The following TIAM1 variants were observed in gnomAD, a reference collection of about 807,000 sequenced individuals.
TIAM1 encodes rho guanine nucleotide exchange factor TIAM1.
TIAM1 carries 65 observed loss-of-function variants against 163.5 expected under a neutral mutation model. The observed-to-expected ratio is 0.40, with a 90% confidence interval of 0.33 to 0.49. TIAM1 has a LOEUF of 0.49. TIAM1 is among the 20% of genes least tolerant of loss of function. The pLI is 0.77. For missense variants in TIAM1, 1,789 were observed against 2,044.7 expected, an observed-to-expected ratio of 0.87 and a Z score of 2.41; for synonymous variants, 833 against 810.1, an observed-to-expected ratio of 1.03 and a Z score of -0.48.
intron 4 of TIAM1, among the ~76,000 whole-genome samples, chr21:31,259,239 C>CA (rs5843501): frequency 1 from 151,894 of 151,894 alleles, 75,947 homozygotes; most frequent in Non-Finnish European, 1. Context: ...CAGGCTGAAG[C>CA]ATCCTCTCAC....
intron 2 of TIAM1, among the ~76,000 whole-genome samples, chr21:31,326,918 ACACGC>A (rs1341225913): frequency 1.3e-5 from 2 of 152,364 alleles, no homozygotes; most frequent in East Asian, 3.9e-4. Flanking sequence ...CAAGTTTACC[ACACGC>A]CACTTAAAAC....
chr21:31,366,046 C>T (rs1412002350), intron 2 of TIAM1, among the ~76,000 whole-genome samples: 1 of 140,704 alleles, frequency 7.1e-6, no homozygotes, highest in African/African-American at 2.7e-5. Context: ...GAGGTAGCTC[C>T]ACTGCACTCC....
chr21:31,395,971 T>G lies in TIAM1; in HGVS notation c.-368-56549A>C, dbSNP rs1292673884. 2.6e-5 allele frequency among the ~76,000 whole-genome samples: 4 copies of G among 152,150 alleles called. No individual in the cohort carries two copies. The highest frequency in any genetic ancestry group is 5.9e-5 in the Non-Finnish European group (4 of 68,032). On this transcript the variant is annotated intron_variant, in intron 2 of 28. Coordinates refer to the TIAM1 transcript ENST00000286827. This position sits in a 1 kb window ranked among gnomAD's most constrained non-coding sequence, Gnocchi z 7.5. The stretch of plus-strand genomic sequence containing the variant: ...TTTAAAATTCAACAGGAACATGGCT[T>G]TTTTCCTCCGTAATGGCTGTGAAAT...
chr21:31,265,987 GA>G lies in TIAM1; in HGVS notation c.963+22del, dbSNP rs781607371. 8.1e-6 allele frequency: 13 copies of G among 1,605,670 alleles called. No homozygotes were observed. In the Admixed American group the frequency reaches 2.2e-4, roughly 27 times the overall value. Reference sequence around the variant, plus strand: ...AGTCATGCACCATTCCCAAAATATTGAAACAAATTTCAATCACTTTACCTGA... The same window carrying G: ...AGTCATGCACCATTCCCAAAATATTGAACAAATTTCAATCACTTTACCTGA... On this transcript the variant is annotated intron_variant, in intron 4 of 27. Coordinates refer to ENST00000541036, the MANE Select transcript of TIAM1 (RefSeq NM_001353694.2).
intron 2 of TIAM1, among the ~76,000 whole-genome samples, chr21:31,384,627 G>A (rs1001000823): frequency 6.6e-6 from 1 of 151,948 alleles, no homozygotes; most frequent in African/African-American, 2.4e-5. Context: ...ATTCTGTATC[G>A]TCTCTTGTAC....
chr21:31,504,193 CAT>C (rs1364201754), intron 1 of TIAM1, among the ~76,000 whole-genome samples: 1 of 152,178 alleles, frequency 6.6e-6, no homozygotes, highest in Non-Finnish European at 1.5e-5. Context: ...TGCTTGCTGG[CAT>C]ATGTGTTACA....
chr21:31,437,420 T>C (rs138670660), intron 2 of TIAM1, among the ~76,000 whole-genome samples: 8 of 150,062 alleles, frequency 5.3e-5, no homozygotes, highest in Admixed American at 3.3e-4. Context: ...GGAGGATCAA[T>C]TGACCCTGGG....
intron 6 of TIAM1, among the ~76,000 whole-genome samples, chr21:31,230,689 C>A (rs1012316136): frequency 5.9e-5 from 9 of 152,142 alleles, no homozygotes; most frequent in African/African-American, 7.2e-5. Flanking sequence ...GGGAGCCACA[C>A]ACCCAGCTAG....
intron 1 of TIAM1, among the ~76,000 whole-genome samples, chr21:31,519,639 A>T (rs1414785201): frequency 1.3e-5 from 2 of 152,196 alleles, no homozygotes; most frequent in Non-Finnish European, 2.9e-5. Context: ...CAGCCAAAAG[A>T]TAGAAGTAAC....
intron 3 of TIAM1, among the ~76,000 whole-genome samples, chr21:31,268,100 C>T (rs570500465): frequency 4.4e-4 from 67 of 152,216 alleles, no homozygotes; most frequent in African/African-American, 1.5e-3. Context: ...ATGAAAATAG[C>T]TGGAAAGGAA....
intron 27 of TIAM1, among the ~76,000 whole-genome samples, chr21:31,123,462 T>G (rs767348698): frequency 2.0e-5 from 3 of 152,356 alleles, no homozygotes; most frequent in African/African-American, 7.2e-5. Context: ...GGGTGTTCAC[T>G]GCACTAAGTT....
In TIAM1 at chr21:31,395,721, G is replaced by T. The variant is rs1437927226; in HGVS notation, c.-368-56299C>A. 6.6e-6 allele frequency among the ~76,000 whole-genome samples: 1 copy of T among 152,136 alleles called. No homozygotes were observed. The highest frequency in any genetic ancestry group is 1.5e-5 in the Non-Finnish European group (1 of 68,034). The stretch of plus-strand genomic sequence containing the variant: ...GGGAGGGGGCGCATGCGTTCCCCTG[G>T]CTGTCGCGTGAAAATTTTTGCTTTA... On this transcript the variant is annotated intron_variant, in intron 2 of 28. Transcript: ENST00000286827. The surrounding 1 kb of genome is among the most constrained non-coding windows in gnomAD (Gnocchi z 7.5).
At chr21:31,334,859 G>A (rs114245648) in intron 2 of TIAM1, among the ~76,000 whole-genome samples, 3,666 of 152,242 alleles carry the variant, frequency 0.024, 169 homozygotes, top group African/African-American at 0.084. Flanking sequence ...CCGGAGGTGA[G>A]CTTGTGTTTA....
At chr21:31,476,673 C>T (rs1396870284) in intron 1 of TIAM1, among the ~76,000 whole-genome samples, 6 of 152,138 alleles carry the variant, frequency 3.9e-5, no homozygotes, top group Non-Finnish European at 7.3e-5. Context: ...GATCCATGCA[C>T]GGAGGGACGC....
chr21:31,529,161 T>C (rs1363908413), intron 1 of TIAM1, among the ~76,000 whole-genome samples: 2 of 151,820 alleles, frequency 1.3e-5, no homozygotes, highest in African/African-American at 4.8e-5. Flanking sequence ...CCTCCTGATC[T>C]GCCCACCTCG....
At position 31,395,570 on chromosome 21, in the gene TIAM1, T is replaced by C. The variant is rs2147206454; in HGVS notation, c.-368-56148A>G. ...CATTTTCTGCCACAGGAGAATGTAT[T>C]GTTCTCTCCAACTGAGAAAGCAGAT... is the stretch of plus-strand genomic sequence containing the variant. On this transcript the variant is annotated intron_variant, in intron 2 of 28. Coordinates refer to the TIAM1 transcript ENST00000286827. This position sits in a 1 kb window ranked among gnomAD's most constrained non-coding sequence, Gnocchi z 7.5. Among the ~76,000 whole-genome samples the C allele has an allele frequency of 6.6e-6, 1 of 152,298 alleles. No individual in the cohort carries two copies. The highest frequency in any genetic ancestry group is 2.4e-5 in the African/African-American group (1 of 41,570).
intron 2 of TIAM1, among the ~76,000 whole-genome samples, chr21:31,458,478 C>A (rs1035382087): frequency 6.6e-6 from 1 of 151,946 alleles, no homozygotes; most frequent in Admixed American, 6.6e-5. Context: ...GTTTTGTTAC[C>A]GAGATAGATC....
intron 6 of TIAM1, among the ~76,000 whole-genome samples, chr21:31,231,174 A>C (rs1028626033): frequency 1.3e-5 from 2 of 152,178 alleles, no homozygotes; most frequent in Non-Finnish European, 1.5e-5. Flanking sequence ...GCCTGGATCC[A>C]TAAGAGTCTA....
At chr21:31,184,872 T>C (rs898353959) in intron 14 of TIAM1, among the ~76,000 whole-genome samples, 2 of 152,216 alleles carry the variant, frequency 1.3e-5, no homozygotes, top group African/African-American at 4.8e-5. Context: ...TATTTCTCAC[T>C]CGTCACACCT....
Sources: allele counts gnomAD v4.1 joint callset (sites outside exome capture counted in the v4.1 genomes callset), GRCh38; gene constraint gnomAD v4.1.1; non-coding constraint Gnocchi (gnomAD v3.1); transcripts MANE v1.5; gene names NCBI Gene and HGNC (gene_info 2026-07-23, HGNC 2026-07-21).